Variants in AGPAT3 observed in about 807,000 individuals in gnomAD.
AGPAT3 encodes 1-acyl-sn-glycerol-3-phosphate acyltransferase gamma.
A neutral mutation model predicts 47.3 loss-of-function variants in AGPAT3; 5 were observed. That is an observed-to-expected ratio of 0.11 (90% confidence interval 0.06 to 0.22). AGPAT3 has a LOEUF of 0.22. Among genes scored for constraint, AGPAT3 ranks in the 10% least tolerant of loss-of-function variants. The pLI is 1.00. For synonymous variants in AGPAT3, 212 were observed against 208.3 expected, an observed-to-expected ratio of 1.02 and a Z score of -0.15; for missense variants, 315 against 493.0, an observed-to-expected ratio of 0.64 and a Z score of 3.42.
At chr21:43,926,382 G>A (rs1314420876) in intron 2 of AGPAT3, among the ~76,000 whole-genome samples, 2 of 152,218 alleles carry the variant, frequency 1.3e-5, no homozygotes, top group African/African-American at 4.8e-5. Context: ...ACGTAGGACA[G>A]CGGGGTGGTC....
chr21:43,901,320 T>TAA (rs34649071), intron 1 of AGPAT3, among the ~76,000 whole-genome samples: 2 of 129,038 alleles, frequency 1.5e-5, no homozygotes, highest in African/African-American at 2.9e-5. Context: ...GAAACTCTGT[T>TAA]AAAAAAAAAA....
rs1415871321 is a variant in AGPAT3, at chr21:43,920,270, G to A, written c.-49+16251G>A. Among the ~76,000 whole-genome samples, 1 of 152,064 alleles carries A rather than the reference G, an allele frequency of 6.6e-6. No individual in the cohort carries two copies. Among genetic ancestry groups the A allele is most frequent in the Non-Finnish European group, 1.5e-5 (1 of 67,996 alleles). ...GTGTGTAAGGGTGTGTGTAAAGCGT[G>A]AATGTGTCAGTGTGAGAGTGTGTGT... On this transcript the variant is annotated intron_variant, in intron 2 of 9. Transcript: ENST00000291572. This position sits in a 1 kb window ranked among gnomAD's most constrained non-coding sequence, Gnocchi z 6.1.
At chr21:43,923,147 CG>C (rs1436527770) in intron 2 of AGPAT3, among the ~76,000 whole-genome samples, 5 of 151,796 alleles carry the variant, frequency 3.3e-5, no homozygotes, top group African/African-American at 1.2e-4. Flanking sequence ...CTCGCAGCCT[CG>C]GGGACCTGTG....
chr21:43,958,650 T>C (rs2088614765), intron 2 of AGPAT3, among the ~76,000 whole-genome samples: 2 of 149,418 alleles, frequency 1.3e-5, no homozygotes, highest in African/African-American at 5.0e-5. Context: ...TGTGGTGTGG[T>C]GTGGTATATG....
intron 1 of AGPAT3, among the ~76,000 whole-genome samples, chr21:43,901,202 G>C (rs1430807067): frequency 6.6e-6 from 1 of 151,924 alleles, no homozygotes; most frequent in Non-Finnish European, 1.5e-5. Context: ...GTATGCACCT[G>C]TAGTGCCAGC....
rs1178974805 is a variant in AGPAT3, at chr21:43,955,248, T to C, written c.-48-4386T>C. On this transcript the variant is annotated intron_variant, in intron 2 of 9. Coordinates refer to ENST00000291572, the MANE Select transcript of AGPAT3 (RefSeq NM_020132.5). The surrounding 1 kb of genome is among the most constrained non-coding windows in gnomAD (Gnocchi z 4.1). ...TTTGTGAACCTCTAGAAAAGGTAAATTAACCTATAGAGCTGGAAAGCTGAC... is the reference window on the plus strand; with the variant it reads ...TTTGTGAACCTCTAGAAAAGGTAAACTAACCTATAGAGCTGGAAAGCTGAC... The C allele has an allele frequency of 8.2e-7, 1 of 1,212,270 alleles. No homozygotes were observed. The highest frequency in any genetic ancestry group is 1.6e-5 in the African/African-American group (1 of 63,510). 75.1% of individuals were successfully genotyped at this position (1,212,270 alleles called of 1,614,324 possible).
At chr21:43,974,822 CAAAG>C (rs1463916373) in intron 7 of AGPAT3, among the ~76,000 whole-genome samples, 4 of 152,174 alleles carry the variant, frequency 2.6e-5, no homozygotes, top group South Asian at 2.1e-4. Flanking sequence ...TCACTGTAGA[CAAAG>C]AAGCCTCTGC....
At chr21:43,965,617 T>A (rs749408453) in intron 3 of AGPAT3, 6 of 151,720 alleles carry the variant, frequency 4.0e-5, no homozygotes, top group Admixed American at 2.6e-4. Context: ...TTTTTTGTTG[T>A]TGTTGTTGTT....
At position 43,889,717 on chromosome 21, in the gene AGPAT3, C is replaced by T. The variant is rs191470321; in HGVS notation, c.-111-14240C>T. 1.6e-3 allele frequency among the ~76,000 whole-genome samples: 250 copies of T among 152,270 alleles called. 2 individuals are homozygous for T. Among genetic ancestry groups the T allele is most frequent in the African/African-American group, 5.7e-3 (235 of 41,550 alleles). On this transcript the variant is annotated intron_variant, in intron 1 of 9. Coordinates refer to ENST00000291572, the MANE Select transcript of AGPAT3 (RefSeq NM_020132.5). ...AGTTATGTTTCTGCTATACTGTAGT[C>T]TGTTAAGTGTGCAATAGCATTGTGT...
chr21:43,956,333 C>G (rs530698073), intron 2 of AGPAT3, among the ~76,000 whole-genome samples: 1 of 152,316 alleles, frequency 6.6e-6, no homozygotes, highest in East Asian at 1.9e-4. Flanking sequence ...GCTATCTGGA[C>G]TGGCACTGGC....
intron 2 of AGPAT3, among the ~76,000 whole-genome samples, chr21:43,936,391 A>G (rs535108108): frequency 6.6e-6 from 1 of 152,330 alleles, no homozygotes; most frequent in African/African-American, 2.4e-5. Context: ...TCTGTCTGAG[A>G]GCAGACTGCT....
Position 43,981,342 on chromosome 21 carries a change from C to T in AGPAT3, c.1042+155C>T, listed in dbSNP as rs4819356. ...CAGGATCCCCCCACGGCCTGCGGGC[C>T]TCAGAGCCTGGATTCTTGCACTGAG... is the stretch of plus-strand genomic sequence containing the variant. On this transcript the variant is annotated intron_variant, in intron 9 of 9. Transcript: ENST00000291572. This position sits in a 1 kb window ranked among gnomAD's most constrained non-coding sequence, Gnocchi z 5.3. 167,094 of 820,964 alleles carry T rather than the reference C, an allele frequency of 0.2. 18,315 individuals carry two copies. Among genetic ancestry groups the T allele is most frequent in the Admixed American group, 0.3 (12,596 of 42,218 alleles). The allele number at this position is 820,964 out of a possible 1,614,324, so 50.9% of individuals were successfully genotyped here. A position where few individuals can be genotyped will look rare whatever the true frequency, so the allele number is the denominator to read the frequency against.
intron 1 of AGPAT3, among the ~76,000 whole-genome samples, chr21:43,878,970 G>T (rs1294790052): frequency 6.6e-6 from 1 of 151,966 alleles, no homozygotes; most frequent in Non-Finnish European, 1.5e-5. Flanking sequence ...CAAACTCCTT[G>T]CCTCAAGCAA....
At position 43,922,807 on chromosome 21, in the gene AGPAT3, G is replaced by A. The variant is rs548536801; in HGVS notation, c.-49+18788G>A. The stretch of plus-strand genomic sequence containing the variant: ...AGCCACGTGCCAGGCAGGTCACTCC[G>A]TCAGCATAGGGGCTGCCATGAGGAT... On this transcript the variant is annotated intron_variant, in intron 2 of 9. Coordinates refer to ENST00000291572, the MANE Select transcript of AGPAT3 (RefSeq NM_020132.5). This position sits in a 1 kb window ranked among gnomAD's most constrained non-coding sequence, Gnocchi z 4.9. Among the ~76,000 whole-genome samples the A allele has an allele frequency of 7.9e-5, 12 of 152,304 alleles. No individual in the cohort carries two copies. The highest frequency in any genetic ancestry group is 3.9e-4 in the East Asian group (2 of 5,174).
chr21:43,923,864 G>A lies in AGPAT3; in HGVS notation c.-49+19845G>A, dbSNP rs558590032. On this transcript the variant is annotated intron_variant, in intron 2 of 9. Coordinates refer to ENST00000291572, the MANE Select transcript of AGPAT3 (RefSeq NM_020132.5). ...AGTCCATTGTACAAGAGTTTTGAGG[G>A]AGCCTGGTCTCCAGCCCCTGTCCTT... Among the ~76,000 whole-genome samples the A allele has an allele frequency of 1.8e-4, 27 of 152,290 alleles. No individual in the cohort carries two copies. In the South Asian group the frequency reaches 3.7e-3, roughly 21 times the overall value.
At chr21:43,915,405 CTTTTT>C (rs747494231) in intron 2 of AGPAT3, among the ~76,000 whole-genome samples, 1 of 38,848 alleles carries the variant, frequency 2.6e-5, no homozygotes, top group Admixed American at 3.2e-4. Context: ...TCTTGATTAG[CTTTTT>C]TTTTTTTTTT....
rs754581768 is a variant in AGPAT3 at position 43,986,353 on chromosome 21, G to A, written c.*3961G>A. On this transcript the variant is annotated 3_prime_UTR_variant, in exon 10 of 10. Transcript: ENST00000291572. ...GCCGGCCCAGGCAACAGCAGCGTAC[G>A]CTTTTCAAAGATCATTGAGTTGTCT... is the stretch of plus-strand genomic sequence containing the variant. 9 of 152,442 alleles carry A rather than the reference G, an allele frequency of 5.9e-5. No homozygotes were observed. The highest frequency in any genetic ancestry group is 1.9e-4 in the East Asian group (1 of 5,198). 9.4% of individuals were successfully genotyped at this position (152,442 alleles called of 1,614,324 possible).
chr21:43,919,140 A>G (rs55869169), intron 2 of AGPAT3, among the ~76,000 whole-genome samples: 2,454 of 152,146 alleles, frequency 0.016, 23 homozygotes, highest in Non-Finnish European at 0.026. Flanking sequence ...TGATGTCACA[A>G]AAGTTTACCG....
At chr21:43,942,316 CG>C (rs2087685336) in intron 2 of AGPAT3, among the ~76,000 whole-genome samples, 1 of 152,200 alleles carries the variant, frequency 6.6e-6, no homozygotes, top group Non-Finnish European at 1.5e-5. Flanking sequence ...GATGGCACCA[CG>C]GGTCCAGGGA....
Sources: gnomAD v4.1 joint callset for allele counts (sites outside exome capture counted in the v4.1 genomes callset) on GRCh38, gnomAD v4.1.1 for gene constraint, Gnocchi (gnomAD v3.1) non-coding constraint, MANE v1.5 for transcripts, NCBI Gene and HGNC (gene_info 2026-07-23, HGNC 2026-07-21) for gene names.